The following SFMBT1 variants were observed in gnomAD, a reference collection of about 807,000 sequenced individuals.
SFMBT1 encodes the protein Scm like with four mbt domains 1.
Under a neutral mutation model 108.7 loss-of-function variants are expected in SFMBT1, and 32 were observed. That is an observed-to-expected ratio of 0.29 (90% confidence interval 0.22 to 0.40). The LOEUF (loss-of-function observed/expected upper bound fraction) is 0.40. Ranked by LOEUF, SFMBT1 falls within the 10% of genes least tolerant of loss-of-function variation. The probability of loss-of-function intolerance (pLI) is 1.00; values close to 1 mark genes in which losing one functional copy is unlikely to be tolerated. For missense variants in SFMBT1, 816 were observed against 1,059.6 expected (o/e 0.77, Z 3.19); for synonymous variants, 348 against 369.5 (o/e 0.94, Z 0.67).
At chr3:52,915,461 T>TG (rs1200255081) in intron 14 of SFMBT1, among the ~76,000 whole-genome samples, 2 of 152,226 alleles carry the variant, frequency 1.3e-5, no homozygotes, top group Non-Finnish European at 2.9e-5. Context: ...GTGAAAGACT[T>TG]CAGTTTCATT....
intron 2 of SFMBT1, among the ~76,000 whole-genome samples, chr3:52,962,978 GTTATTTTATT>G (rs138529594): frequency 0.6 from 89,749 of 150,208 alleles, 27,266 homozygotes; most frequent in Non-Finnish European, 0.66. Context: ...TCAGGTTGAA[GTTATTTTATT>G]TTATTTTATT....
Position 52,906,205 on chromosome 3 carries a change from C to T in SFMBT1, c.2368G>A (p.Asp790Asn), listed in dbSNP as rs775729575. 1 of 1,614,158 alleles carries T rather than the reference C, an allele frequency of 6.2e-7. No homozygotes were observed. The highest frequency in any genetic ancestry group is 1.1e-5 in the South Asian group (1 of 91,080). ...ACACTCCACTTCAAGGGGTTACTGT[C>T]CAGGTGAAGCCTTTCAGCAACTTCG... ...RIEVAERLHL[D>N]SNPLKWSVAD... The change falls in exon 20 of 21, where the codon GAC (aspartate) becomes AAC (asparagine). Residue 790 changes from aspartate (D) to asparagine (N), a missense_variant. Around this residue, in one of 5 missense-constraint regions of SFMBT1, gnomAD observed 177 missense variants for 182.0 expected, o/e 0.97. Transcript: ENST00000394752.
intron 1 of SFMBT1, among the ~76,000 whole-genome samples, chr3:53,001,083 AAC>A (rs1698532628): frequency 6.7e-6 from 1 of 149,636 alleles, no homozygotes; most frequent in African/African-American, 2.5e-5. Context: ...ACAAGTCAAA[AAC>A]AAAAAAGAAC....
chr3:53,002,950 T>C lies in SFMBT1; in HGVS notation c.-130-33692A>G, dbSNP rs1029050139. Among the ~76,000 whole-genome samples, 4 of 149,278 alleles carry C rather than the reference T, an allele frequency of 2.7e-5. No individual in the cohort carries two copies. In the Admixed American group the frequency reaches 2.7e-4, roughly 10 times the overall value. The stretch of plus-strand genomic sequence containing the variant: ...AGTCAGGAATTTGAGGGTAAAACCC[T>C]GTCACTACTCAAAATATAAAAATTA... On this transcript the variant is annotated intron_variant, in intron 1 of 20. Coordinates refer to ENST00000394752, the MANE Select transcript of SFMBT1 (RefSeq NM_016329.4).
At chr3:53,029,795 G>A (rs1203443740) in intron 1 of SFMBT1, among the ~76,000 whole-genome samples, 1 of 152,074 alleles carries the variant, frequency 6.6e-6, no homozygotes, top group Non-Finnish European at 1.5e-5. Flanking sequence ...AACATGTGGT[G>A]GGTGGAGGGT....
intron 1 of SFMBT1, among the ~76,000 whole-genome samples, chr3:52,994,465 T>C (rs1698243933): frequency 6.7e-6 from 1 of 150,362 alleles, no homozygotes; most frequent in Non-Finnish European, 1.5e-5. Context: ...TTGAATCTGA[T>C]TGAGCTTCTA....
At chr3:53,001,776 AT>A (rs1348784859) in intron 1 of SFMBT1, among the ~76,000 whole-genome samples, 1 of 148,752 alleles carries the variant, frequency 6.7e-6, no homozygotes, top group Non-Finnish European at 1.5e-5. Flanking sequence ...ATTGTAAAAA[AT>A]TTGCCAGGCA....
At chr3:53,005,489 T>C (rs772364377) in intron 1 of SFMBT1, among the ~76,000 whole-genome samples, 1 of 152,164 alleles carries the variant, frequency 6.6e-6, no homozygotes, top group Non-Finnish European at 1.5e-5. Context: ...ATTGTTATTG[T>C]AGAAACAGGA....
At chr3:52,975,777 T>C (rs1397559985) in intron 1 of SFMBT1, among the ~76,000 whole-genome samples, 1 of 152,152 alleles carries the variant, frequency 6.6e-6, no homozygotes, top group African/African-American at 2.4e-5. Flanking sequence ...ACTTTTTGTA[T>C]TTTTGGTAGA....
intron 1 of SFMBT1, among the ~76,000 whole-genome samples, chr3:52,972,144 T>G (rs1031275317): frequency 6.6e-6 from 1 of 152,224 alleles, no homozygotes; most frequent in African/African-American, 2.4e-5. Flanking sequence ...TTTGAAGATG[T>G]CATCTACTGT....
At chr3:52,936,488 C>A (rs184172684) in intron 4 of SFMBT1, among the ~76,000 whole-genome samples, 1 of 152,134 alleles carries the variant, frequency 6.6e-6, no homozygotes, top group African/African-American at 2.4e-5. Context: ...GTTGTCCTTA[C>A]GACACTCTAT....
chr3:52,926,734 T>G (rs1052647511), intron 9 of SFMBT1, among the ~76,000 whole-genome samples: 7 of 152,146 alleles, frequency 4.6e-5, no homozygotes, highest in African/African-American at 1.7e-4. Flanking sequence ...GATGGAAGCA[T>G]CTCCAAGCTG....
intron 1 of SFMBT1, among the ~76,000 whole-genome samples, chr3:53,040,703 A>T (rs1700011486): frequency 6.6e-6 from 1 of 152,144 alleles, no homozygotes; most frequent in South Asian, 2.1e-4. Context: ...CTCTCTCTGC[A>T]TAGTGACATG....
intron 1 of SFMBT1, among the ~76,000 whole-genome samples, chr3:52,987,676 T>C (rs1704975342): frequency 6.6e-6 from 1 of 152,212 alleles, no homozygotes; most frequent in Admixed American, 6.5e-5. Context: ...CATAGAGTGA[T>C]GGCCCTAGAT....
chr3:52,982,981 A>C (rs1013961991), intron 1 of SFMBT1, among the ~76,000 whole-genome samples: 1 of 152,154 alleles, frequency 6.6e-6, no homozygotes, highest in Non-Finnish European at 1.5e-5. Context: ...ACTGAAACTA[A>C]AGCAAACAGT....
At chr3:52,934,704 T>C in intron 5 of SFMBT1, 109 bp downstream of exon 5, 2 of 883,410 alleles carry the variant, frequency 2.3e-6, no homozygotes, top group Non-Finnish European at 3.4e-6. Flanking sequence ...CCTATGTCTC[T>C]AATAATAACG....
Position 52,932,073 on chromosome 3 carries a change from T to C in SFMBT1, c.689A>G (p.Gln230Arg). 6.2e-7 allele frequency: 1 copy of C among 1,613,922 alleles called. No homozygotes were observed. Among genetic ancestry groups the C allele is most frequent in the South Asian group, 1.1e-5 (1 of 91,076 alleles). The change falls in exon 6 of 21, where the codon CAG becomes CGG. Residue 230 changes from glutamine (Q) to arginine (R), a missense_variant. This residue lies in a region of SFMBT1 where 495 missense variants were observed against 607.4 expected (regional missense o/e 0.81). Coordinates refer to ENST00000394752, the MANE Select transcript of SFMBT1 (RefSeq NM_016329.4). ...GWAAQQGYELQPPSAIRHLKN... is the reference protein window; with the variant it reads ...GWAAQQGYELRPPSAIRHLKN... Reference sequence around the variant, plus strand: ...CTATTACTCTTCACCTGAAGGGGGCTGAAGCTCATATCCCTGTTGAGCAGC... The same window carrying C: ...CTATTACTCTTCACCTGAAGGGGGCCGAAGCTCATATCCCTGTTGAGCAGC...
Position 52,971,151 on chromosome 3 carries a change from A to G in SFMBT1, c.-130-1893T>C, listed in dbSNP as rs540422810. On this transcript the variant is annotated intron_variant, in intron 1 of 20. Transcript: ENST00000394752. ...AGTGAAATCCTGTCTCAAAAAAAAA[A>G]AAGTGGGGAGGTAAGGAAACCTAGG... Among the ~76,000 whole-genome samples the G allele has an allele frequency of 4.3e-4, 65 of 152,264 alleles. 1 individual carries two copies. The South Asian group carries it at 0.013, about 31-fold the overall frequency.
At chr3:52,999,166 G>C (rs891340388) in intron 1 of SFMBT1, among the ~76,000 whole-genome samples, 2 of 150,836 alleles carry the variant, frequency 1.3e-5, no homozygotes, top group African/African-American at 2.4e-5. Flanking sequence ...ACAGCGGCCT[G>C]TTCTGGTGCA....
Sources: gnomAD v4.1 joint callset for allele counts (sites outside exome capture counted in the v4.1 genomes callset) on GRCh38, gnomAD v4.1.1 for gene constraint, gnomAD v4.1.1 regional missense constraint, MANE v1.5 for transcripts, NCBI Gene and HGNC (gene_info 2026-07-23, HGNC 2026-07-21) for gene names.